CCDC85A: variants seen among roughly 807,000 people sequenced by gnomAD.
The protein encoded by CCDC85A is coiled-coil domain-containing protein 85A.
Under a neutral mutation model 50.2 loss-of-function variants are expected in CCDC85A, and 38 were observed. The observed-to-expected ratio is 0.76, with a 90% CI of 0.58 to 0.99. The LOEUF (loss-of-function observed/expected upper bound fraction) is 0.99. Among genes scored for constraint, CCDC85A ranks in the 50% least tolerant of loss-of-function variants. The pLI is 0.00. For synonymous variants in CCDC85A, 366 were observed against 301.4 expected (o/e 1.21, Z -2.22); for missense variants, 820 against 742.0 (o/e 1.11, Z -1.22).
intron 3 of CCDC85A, among the ~76,000 whole-genome samples, chr2:56,360,132 T>C (rs1440677618): frequency 2.0e-5 from 3 of 152,230 alleles, no homozygotes; most frequent in African/African-American, 7.2e-5. Flanking sequence ...TATTTACTAT[T>C]GGTCAATTAA....
chr2:56,361,894 G>A (rs185955842), intron 3 of CCDC85A, among the ~76,000 whole-genome samples: 2 of 152,298 alleles, frequency 1.3e-5, no homozygotes, highest in Admixed American at 1.3e-4. Flanking sequence ...GTAGAGACAG[G>A]GAGAGGGGAC....
chr2:56,314,254 C>G (rs969245319), intron 2 of CCDC85A, among the ~76,000 whole-genome samples: 2 of 150,850 alleles, frequency 1.3e-5, no homozygotes, highest in African/African-American at 4.9e-5. Context: ...GAGCTGGGGT[C>G]AGATGTGTGA....
At chr2:56,316,994 C>T (rs1406497270) in intron 2 of CCDC85A, among the ~76,000 whole-genome samples, 1 of 152,014 alleles carries the variant, frequency 6.6e-6, no homozygotes, top group Non-Finnish European at 1.5e-5. Context: ...CTTCTATTTT[C>T]TGTTAAAGTG....
At chr2:56,220,546 G>A (rs1485829449) in intron 2 of CCDC85A, among the ~76,000 whole-genome samples, 1 of 152,004 alleles carries the variant, frequency 6.6e-6, no homozygotes, top group Non-Finnish European at 1.5e-5. Flanking sequence ...ACAGGGAGTG[G>A]TTCTTTGTTC....
intron 2 of CCDC85A, among the ~76,000 whole-genome samples, chr2:56,320,699 T>A (rs1036445182): frequency 8.5e-5 from 13 of 152,314 alleles, no homozygotes; most frequent in African/African-American, 3.1e-4. Context: ...ACAGCTGAAT[T>A]CTACCAGAGG....
chr2:56,324,651 G>A, intron 2 of CCDC85A, among the ~76,000 whole-genome samples: 1 of 152,018 alleles, frequency 6.6e-6, no homozygotes, highest in East Asian at 1.9e-4. Context: ...TGTTTTTGTT[G>A]TTATTTGCAC....
At chr2:56,355,767 A>G (rs1394810208) in intron 3 of CCDC85A, among the ~76,000 whole-genome samples, 1 of 152,252 alleles carries the variant, frequency 6.6e-6, no homozygotes, top group African/African-American at 2.4e-5. Context: ...GGAAGTGTCA[A>G]TCTGACTTAA....
At chr2:56,324,308 G>A (rs1673360362) in intron 2 of CCDC85A, among the ~76,000 whole-genome samples, 1 of 151,972 alleles carries the variant, frequency 6.6e-6, no homozygotes, top group Non-Finnish European at 1.5e-5. Flanking sequence ...TTCTTGCATT[G>A]TTTAAAATCT....
intron 2 of CCDC85A, among the ~76,000 whole-genome samples, chr2:56,341,588 T>A (rs866243281): frequency 3.3e-4 from 50 of 152,212 alleles, no homozygotes; most frequent in African/African-American, 1.2e-3. Flanking sequence ...TGAAGAAGAG[T>A]TACTATCAGA....
intron 2 of CCDC85A, among the ~76,000 whole-genome samples, chr2:56,261,967 T>C (rs973683959): frequency 7.2e-5 from 11 of 152,176 alleles, no homozygotes; most frequent in African/African-American, 2.4e-4. Context: ...TGGGCCGCAG[T>C]GAAAGAGCTA....
chr2:56,344,345 A>G (rs1255811364), intron 3 of CCDC85A, among the ~76,000 whole-genome samples: 1 of 152,222 alleles, frequency 6.6e-6, no homozygotes, highest in Non-Finnish European at 1.5e-5. Context: ...TTAAGTGACT[A>G]ACAGGCAGGA....
At chr2:56,281,991 C>G (rs1240613791) in intron 2 of CCDC85A, among the ~76,000 whole-genome samples, 1 of 152,096 alleles carries the variant, frequency 6.6e-6, no homozygotes, top group Non-Finnish European at 1.5e-5. Context: ...CCTAAGAAAT[C>G]TTTGCATACT....
intron 2 of CCDC85A, among the ~76,000 whole-genome samples, chr2:56,314,436 C>T (rs569619073): frequency 7.2e-5 from 11 of 152,056 alleles, no homozygotes; most frequent in African/African-American, 2.2e-4. Flanking sequence ...TATTTTGCAA[C>T]GTATGACTTG....
intron 2 of CCDC85A, among the ~76,000 whole-genome samples, chr2:56,239,030 C>T (rs996748205): frequency 3.3e-5 from 5 of 152,090 alleles, no homozygotes; most frequent in African/African-American, 1.2e-4. Context: ...ATTTCTTTGG[C>T]AGCTGAAAAT....
At position 56,362,441 on chromosome 2, in the gene CCDC85A, A is replaced by T. The variant is rs150928394; in HGVS notation, c.1318-9903A>T. On this transcript the variant is annotated intron_variant, in intron 3 of 5. Transcript: ENST00000407595. ...GAATGAAATATATATATATATTTTA[A>T]CTATGGGACTGAATGGGAACTTCTC... Among the ~76,000 whole-genome samples, 498 of 152,196 alleles carry T rather than the reference A, an allele frequency of 3.3e-3. 4 individuals carry two copies. The highest frequency in any genetic ancestry group is 0.011 in the African/African-American group (462 of 41,520).
chr2:56,329,021 C>G (rs1673623555), intron 2 of CCDC85A, among the ~76,000 whole-genome samples: 1 of 152,180 alleles, frequency 6.6e-6, no homozygotes, highest in East Asian at 1.9e-4. Context: ...AGTACACAAT[C>G]CAAGCTTCTT....
intron 2 of CCDC85A, among the ~76,000 whole-genome samples, chr2:56,341,454 T>G (rs1415766047): frequency 6.6e-6 from 1 of 152,224 alleles, no homozygotes; most frequent in African/African-American, 2.4e-5. Context: ...AGCTACCTAA[T>G]GTAACAGAAG....
At chr2:56,344,939 AAG>A (rs1158733648) in intron 3 of CCDC85A, among the ~76,000 whole-genome samples, 1 of 152,102 alleles carries the variant, frequency 6.6e-6, no homozygotes, top group Non-Finnish European at 1.5e-5. Context: ...CAAAAAAAAA[AAG>A]AGGCACAACA....
intron 1 of CCDC85A, among the ~76,000 whole-genome samples, chr2:56,187,809 C>T (rs1676117290): frequency 6.6e-6 from 1 of 152,126 alleles, no homozygotes. Flanking sequence ...AACTGGATTC[C>T]TGAGAACCAT....
Sources: gnomAD v4.1 joint callset for allele counts (sites outside exome capture counted in the v4.1 genomes callset) on GRCh38, gnomAD v4.1.1 for gene constraint, MANE v1.5 for transcripts, NCBI Gene and HGNC (gene_info 2026-07-23, HGNC 2026-07-21) for gene names.